Variants in MYT1L observed in about 807,000 individuals in gnomAD.
MYT1L encodes the protein myelin transcription factor 1-like protein.
Under a neutral mutation model 126.7 loss-of-function variants are expected in MYT1L, and 12 were observed. The observed-to-expected ratio is 0.09, with a 90% CI of 0.06 to 0.15. The LOEUF (loss-of-function observed/expected upper bound fraction) is 0.15. MYT1L is among the 10% of genes least tolerant of loss of function. The pLI is 1.00. For synonymous variants in MYT1L, 541 were observed against 604.2 expected (o/e 0.90, Z 1.53); for missense variants, 979 against 1,585.2 (o/e 0.62, Z 6.49).
chr2:2,290,701 G>C (rs561382706), intron 1 of MYT1L, among the ~76,000 whole-genome samples: 2 of 152,266 alleles, frequency 1.3e-5, no homozygotes, highest in South Asian at 4.2e-4. Flanking sequence ...TCCTGGACCT[G>C]GTTGCATATT....
At chr2:2,274,030 C>T (rs980693522) in intron 2 of MYT1L, among the ~76,000 whole-genome samples, 25 of 150,872 alleles carry the variant, frequency 1.7e-4, no homozygotes, top group African/African-American at 5.6e-4. Context: ...CACATTTTTA[C>T]AAAAAGAAAC....
At position 2,127,648 on chromosome 2, in the gene MYT1L, C is replaced by T. The variant is rs1257669131; in HGVS notation, c.-304+45224G>A. Among the ~76,000 whole-genome samples the T allele has an allele frequency of 3.3e-5, 5 of 152,190 alleles. No homozygotes were observed. In the South Asian group the frequency reaches 6.2e-4, roughly 19 times the overall value. On this transcript the variant is annotated intron_variant, in intron 3 of 24. Transcript: ENST00000647738. ...CCGTCCTGAGTGTTATGTAAATGAA[C>T]CACGCAGCATGTGCACGTCTGTGTC... is the stretch of plus-strand genomic sequence containing the variant.
intron 8 of MYT1L, chr2:1,974,509 T>TAATTA (rs1230593140): frequency 6.6e-6 from 1 of 152,206 alleles, no homozygotes; most frequent in African/African-American, 2.4e-5. Context: ...CAAATTCAGG[T>TAATTA]GACTGGCTAA....
At chr2:2,291,648 C>T (rs993200514) in intron 1 of MYT1L, among the ~76,000 whole-genome samples, 2 of 152,188 alleles carry the variant, frequency 1.3e-5, no homozygotes, top group African/African-American at 4.8e-5. Context: ...GTCCCGGCGC[C>T]GTGGCCTGTG....
At position 1,852,938 on chromosome 2, in the gene MYT1L, G is replaced by A. The variant is rs930596805; in HGVS notation, c.2712-1235C>T. Among the ~76,000 whole-genome samples the A allele has an allele frequency of 3.3e-5, 5 of 152,200 alleles. No individual in the cohort carries two copies. Among genetic ancestry groups the A allele is most frequent in the Admixed American group, 6.5e-5 (1 of 15,284 alleles). On this transcript the variant is annotated intron_variant, in intron 18 of 24. Coordinates refer to ENST00000647738, the MANE Select transcript of MYT1L (RefSeq NM_001303052.2). The surrounding 1 kb of genome is among the most constrained non-coding windows in gnomAD (Gnocchi z 4.0). ...GGGTACTGGGGGCTGAGACCAGGAC[G>A]GCAAAGTGCTTGCTTACAGGTGGGC...
chr2:2,147,397 T>C (rs1024951618), intron 3 of MYT1L, among the ~76,000 whole-genome samples: 2 of 152,222 alleles, frequency 1.3e-5, no homozygotes, highest in Non-Finnish European at 1.5e-5. Context: ...TCCAAGCCCC[T>C]GGGCAGAGGC....
At position 1,922,444 on chromosome 2, in the gene MYT1L, G is replaced by A. The variant is rs754747899; in HGVS notation, c.1325C>T (p.Thr442Met). Residue 442 changes from threonine (T) to methionine (M), a missense_variant, in exon 10 of 25, where the codon ACG becomes ATG. Thr to Met is a moderately conservative substitution (Grantham distance 81). This residue lies in a region of MYT1L where 67 missense variants were observed against 80.3 expected (regional missense o/e 0.83). Coordinates refer to ENST00000647738, the MANE Select transcript of MYT1L (RefSeq NM_001303052.2). The surrounding 1 kb of genome is among the most constrained non-coding windows in gnomAD (Gnocchi z 7.4). ...CTCCCTCATGGCCTTTGCTCTTTCC[G>A]TTTCCAAAGCGATGGCTTTCTCCAG... ...TLLEKAIALE[T>M]ERAKAMREKM... 26 of 1,613,686 alleles carry A rather than the reference G, an allele frequency of 1.6e-5. No homozygotes were observed. The highest frequency in any genetic ancestry group is 3.3e-5 in the Admixed American group (2 of 59,980).
intron 3 of MYT1L, among the ~76,000 whole-genome samples, chr2:2,069,701 G>A (rs766602197): frequency 2.6e-5 from 4 of 151,914 alleles, no homozygotes; most frequent in Admixed American, 6.6e-5. Flanking sequence ...GTGTAAAAGC[G>A]TTCCTGTTTC....
At chr2:1,930,392 T>C (rs941686303) in intron 9 of MYT1L, among the ~76,000 whole-genome samples, 1 of 152,258 alleles carries the variant, frequency 6.6e-6, no homozygotes, top group Admixed American at 6.5e-5. Context: ...TTGCCTCTTT[T>C]GCTCAATAAA....
chr2:1,892,013 C>T, intron 15 of MYT1L, 24 bp downstream of exon 15: 1 of 1,489,152 alleles, frequency 6.7e-7, no homozygotes, highest in Non-Finnish European at 8.9e-7. Flanking sequence ...CGCCAGGTGG[C>T]TCCACCTGCC....
chr2:1,808,715 C>A (rs1487217502), intron 22 of MYT1L, among the ~76,000 whole-genome samples: 1 of 152,110 alleles, frequency 6.6e-6, no homozygotes, highest in Non-Finnish European at 1.5e-5. Context: ...TTATCTGTGG[C>A]CTGGGGTGGC....
chr2:2,023,300 T>C (rs768053152), intron 4 of MYT1L, among the ~76,000 whole-genome samples: 2 of 152,200 alleles, frequency 1.3e-5, no homozygotes, highest in Non-Finnish European at 2.9e-5. Context: ...GACTCGTGCA[T>C]GAACTGTTCA....
intron 14 of MYT1L, among the ~76,000 whole-genome samples, chr2:1,896,226 T>C (rs566762171): frequency 9.5e-4 from 145 of 152,326 alleles, no homozygotes; most frequent in African/African-American, 3.4e-3. Context: ...AGAACACTTA[T>C]ACATTCTTGG....
chr2:2,136,335 G>A (rs762728203), intron 3 of MYT1L, among the ~76,000 whole-genome samples: 2 of 152,166 alleles, frequency 1.3e-5, no homozygotes, highest in African/African-American at 2.4e-5. Flanking sequence ...ACCAAGGAGC[G>A]AGGAATTTAA....
At chr2:2,232,328 A>T (rs1187077313) in intron 2 of MYT1L, among the ~76,000 whole-genome samples, 1 of 152,206 alleles carries the variant, frequency 6.6e-6, no homozygotes, top group Non-Finnish European at 1.5e-5. Context: ...TACTGTGACA[A>T]ACACAACAAG....
intron 2 of MYT1L, among the ~76,000 whole-genome samples, chr2:2,178,320 A>G (rs1279379454): frequency 6.6e-6 from 1 of 152,200 alleles, no homozygotes; most frequent in Non-Finnish European, 1.5e-5. Context: ...CTGCTTTACA[A>G]TATAGTTGAA....
At chr2:2,220,838 A>G (rs2093841935) in intron 2 of MYT1L, among the ~76,000 whole-genome samples, 1 of 152,156 alleles carries the variant, frequency 6.6e-6, no homozygotes, top group South Asian at 2.1e-4. Flanking sequence ...TTAGATAGGA[A>G]TGTGGGCAAG....
chr2:2,165,735 A>G (rs1166987554), intron 3 of MYT1L, among the ~76,000 whole-genome samples: 2 of 152,094 alleles, frequency 1.3e-5, no homozygotes, highest in African/African-American at 4.8e-5. Flanking sequence ...GTATTCAAAA[A>G]TACTTTTTAG....
Position 1,943,406 on chromosome 2 carries a change from G to T in MYT1L, c.153-72C>A. On this transcript the variant is annotated intron_variant, in intron 8 of 24. Transcript: ENST00000647738. The surrounding 1 kb of genome is among the most constrained non-coding windows in gnomAD (Gnocchi z 4.4). The stretch of plus-strand genomic sequence containing the variant: ...TCTGTGTTACTGTCTTTTAAAATCA[G>T]ACCAATGGGGGCCTTGATCAAGGTA... The T allele has an allele frequency of 7.0e-7, 1 of 1,438,038 alleles. No homozygotes were observed. Among genetic ancestry groups the T allele is most frequent in the South Asian group, 1.5e-5 (1 of 66,512 alleles). 89.1% of individuals were successfully genotyped at this position (1,438,038 alleles called of 1,614,324 possible).
Sources: gnomAD v4.1 joint callset for allele counts (sites outside exome capture counted in the v4.1 genomes callset) on GRCh38, gnomAD v4.1.1 for gene constraint, gnomAD v4.1.1 regional missense constraint, Gnocchi (gnomAD v3.1) non-coding constraint, MANE v1.5 for transcripts, NCBI Gene and HGNC (gene_info 2026-07-23, HGNC 2026-07-21) for gene names.